Variants in ITGB3BP observed in about 807,000 individuals in gnomAD.
ITGB3BP encodes centromere protein R.
A neutral mutation model predicts 29.1 loss-of-function variants in ITGB3BP; 27 were observed. That is an observed-to-expected ratio of 0.93 (90% CI 0.68 to 1.28). ITGB3BP has a LOEUF of 1.28. Among genes scored for constraint, ITGB3BP ranks in the 50% most tolerant of loss-of-function variants. The pLI is 0.00. For missense variants in ITGB3BP, 192 were observed against 200.2 expected, an observed-to-expected ratio of 0.96 and a Z score of 0.25; for synonymous variants, 61 against 61.4, an observed-to-expected ratio of 0.99 and a Z score of 0.03.
chr1:63,518,547 T>C (rs1039193595), intron 1 of ITGB3BP, among the ~76,000 whole-genome samples: 1 of 151,618 alleles, frequency 6.6e-6, no homozygotes, highest in Non-Finnish European at 1.5e-5. Context: ...TTGGTTTCTC[T>C]CCTGTTAGAC....
intron 7 of ITGB3BP, among the ~76,000 whole-genome samples, chr1:63,448,921 G>C (rs1644825367): frequency 6.6e-6 from 1 of 152,102 alleles, no homozygotes; most frequent in African/African-American, 2.4e-5. Context: ...TGTCTCTGGG[G>C]AAAATGTCTA....
chr1:63,486,099 T>C (rs930419477), intron 3 of ITGB3BP, among the ~76,000 whole-genome samples: 5 of 152,090 alleles, frequency 3.3e-5, no homozygotes, highest in East Asian at 1.9e-4. Context: ...TTTCACTTTA[T>C]TGTTTTATCA....
chr1:63,454,937 A>C lies in ITGB3BP; in HGVS notation c.286T>G (p.Leu96Val). 1 of 1,570,556 alleles carries C rather than the reference A, an allele frequency of 6.4e-7. No homozygotes were observed. The highest frequency in any genetic ancestry group is 8.8e-7 in the Non-Finnish European group (1 of 1,141,664). ...FMMLLSKVEK[L>V]SEEIMEIMQN... ...ATTATCTCCATGATTTCTTCTGACA[A>C]TTTCTCAACTTTTGATAGCAACATC... is the stretch of plus-strand genomic sequence containing the variant. The change falls in exon 5 of 9, where the codon TTG becomes GTG. Residue 96 changes from leucine to valine, a missense_variant. Transcript: ENST00000271002. This position sits in a 1 kb window ranked among gnomAD's most constrained non-coding sequence, Gnocchi z 4.1.
chr1:63,443,383 G>A (rs1310698378), intron 8 of ITGB3BP, among the ~76,000 whole-genome samples: 3 of 152,042 alleles, frequency 2.0e-5, no homozygotes, highest in Non-Finnish European at 4.4e-5. Flanking sequence ...AATAATGAGG[G>A]AAAAGGCATG....
intron 2 of ITGB3BP, among the ~76,000 whole-genome samples, chr1:63,494,819 A>C (rs1451711306): frequency 6.6e-6 from 1 of 152,098 alleles, no homozygotes; most frequent in Non-Finnish European, 1.5e-5. Flanking sequence ...TTGTTTTCCT[A>C]AGAGACAAAG....
chr1:63,516,203 G>T lies in ITGB3BP; in HGVS notation c.5+6926C>A, dbSNP rs985396330. 2.7e-5 allele frequency among the ~76,000 whole-genome samples: 4 copies of T among 148,744 alleles called. No homozygotes were observed. In the Admixed American group the frequency reaches 2.7e-4, roughly 10 times the overall value. ...TTTGGGAGGCTGAGCTGAGCAGATT[G>T]CTTGAGTCCAGAGTGAGCCTGGGAG... On this transcript the variant is annotated intron_variant, in intron 1 of 8. Transcript: ENST00000271002.
At chr1:63,485,313 A>C (rs1645505736) in intron 3 of ITGB3BP, among the ~76,000 whole-genome samples, 2 of 152,110 alleles carry the variant, frequency 1.3e-5, no homozygotes, top group South Asian at 4.1e-4. Context: ...ACTGATAGAT[A>C]TCTTGTCTGC....
chr1:63,518,338 T>G (rs982725650), intron 1 of ITGB3BP, among the ~76,000 whole-genome samples: 5 of 152,188 alleles, frequency 3.3e-5, no homozygotes, highest in Non-Finnish European at 5.9e-5. Flanking sequence ...TATGCCATCA[T>G]GCTAAGTTGT....
chr1:63,479,068 G>C (rs1484699188), intron 3 of ITGB3BP, among the ~76,000 whole-genome samples: 2 of 151,784 alleles, frequency 1.3e-5, no homozygotes, highest in Non-Finnish European at 2.9e-5. Flanking sequence ...CTGAAGGTTG[G>C]TATATTAAAG....
intron 2 of ITGB3BP, among the ~76,000 whole-genome samples, chr1:63,496,156 G>A (rs746333688): frequency 6.6e-6 from 1 of 151,106 alleles, no homozygotes; most frequent in Non-Finnish European, 1.5e-5. Flanking sequence ...GCAGTGGTGC[G>A]ATCACGGCTC....
rs1263732296 is a variant in ITGB3BP at position 63,452,731 on chromosome 1, C to T, written c.484+1187G>A. Reference sequence around the variant, plus strand: ...ATCACAGTAGACGTTAGTTGTTCAACTGAAAAGCTCAGGAAGCCTATTCAG... The same window carrying T: ...ATCACAGTAGACGTTAGTTGTTCAATTGAAAAGCTCAGGAAGCCTATTCAG... On this transcript the variant is annotated intron_variant, in intron 7 of 8. Transcript: ENST00000271002. 2.6e-5 allele frequency among the ~76,000 whole-genome samples: 4 copies of T among 151,658 alleles called. No homozygotes were observed. In the East Asian group the frequency reaches 7.7e-4, roughly 29 times the overall value.
intron 1 of ITGB3BP, among the ~76,000 whole-genome samples, chr1:63,521,168 C>CACTTAACTTA (rs1646436012): frequency 6.6e-6 from 1 of 151,828 alleles, no homozygotes; most frequent in African/African-American, 2.4e-5. Flanking sequence ...GTCACCATTT[C>CACTTAACTTA]AACATCACTT....
At chr1:63,509,952 G>A (rs1436655237) in intron 1 of ITGB3BP, 3 of 398,292 alleles carry the variant, frequency 7.5e-6, no homozygotes, top group South Asian at 9.3e-5. Context: ...CAGTACTTTG[G>A]AAGGCTGAGG....
intron 8 of ITGB3BP, among the ~76,000 whole-genome samples, chr1:63,443,478 G>C (rs1355886648): frequency 6.6e-6 from 1 of 152,190 alleles, no homozygotes; most frequent in Non-Finnish European, 1.5e-5. Flanking sequence ...AAGTAATCTG[G>C]AATGAATAAG....
chr1:63,482,202 G>A (rs1237290849), intron 3 of ITGB3BP, among the ~76,000 whole-genome samples: 3 of 142,692 alleles, frequency 2.1e-5, no homozygotes, highest in African/African-American at 7.7e-5. Flanking sequence ...GAACCTGGGA[G>A]GCAGAGGTTG....
intron 3 of ITGB3BP, among the ~76,000 whole-genome samples, chr1:63,482,607 T>C (rs2100642983): frequency 6.6e-6 from 1 of 151,510 alleles, no homozygotes; most frequent in South Asian, 2.1e-4. Context: ...GGAGGGTAAA[T>C]AACCTCTTTG....
At chr1:63,445,299 A>AC (rs1644777327) in intron 8 of ITGB3BP, among the ~76,000 whole-genome samples, 2 of 151,508 alleles carry the variant, frequency 1.3e-5, no homozygotes, top group Non-Finnish European at 1.5e-5. Context: ...AAACAAACAA[A>AC]ACAACAGAAA....
At chr1:63,498,512 C>CAA (rs1298343155) in intron 2 of ITGB3BP, among the ~76,000 whole-genome samples, 1 of 151,760 alleles carries the variant, frequency 6.6e-6, no homozygotes, top group African/African-American at 2.4e-5. Flanking sequence ...ACATTAAGAA[C>CAA]AAAACGCAAC....
intron 7 of ITGB3BP, among the ~76,000 whole-genome samples, chr1:63,452,368 T>C (rs1205477606): frequency 6.6e-6 from 1 of 152,174 alleles, no homozygotes; most frequent in Non-Finnish European, 1.5e-5. Context: ...GTGTAGAATA[T>C]ATAGAAGCAA....
Sources: allele counts gnomAD v4.1 joint callset (sites outside exome capture counted in the v4.1 genomes callset), GRCh38; gene constraint gnomAD v4.1.1; non-coding constraint Gnocchi (gnomAD v3.1); transcripts MANE v1.5; gene names NCBI Gene and HGNC (gene_info 2026-07-23, HGNC 2026-07-21).